Variants in ALK observed in about 807,000 individuals in gnomAD.
The protein encoded by ALK is ALK tyrosine kinase receptor.
Under a neutral mutation model 163.1 loss-of-function variants are expected in ALK, and 74 were observed. The observed-to-expected ratio is 0.45, with a 90% confidence interval of 0.38 to 0.55. The LOEUF is 0.55. Among genes scored for constraint, ALK ranks in the 20% least tolerant of loss-of-function variants. The pLI is 0.00. For synonymous variants in ALK, 960 were observed against 843.2 expected (o/e 1.14, Z -2.40); for missense variants, 2,063 against 2,105.3 (o/e 0.98, Z 0.39).
chr2:29,877,741 C>T (rs543262633), intron 1 of ALK, among the ~76,000 whole-genome samples: 175 of 152,322 alleles, frequency 1.1e-3, no homozygotes, highest in Non-Finnish European at 2.1e-3. Context: ...GCTGGCTCTG[C>T]TCTGCCTACC....
At chr2:29,417,649 A>G (rs1469714054) in intron 4 of ALK, among the ~76,000 whole-genome samples, 1 of 152,222 alleles carries the variant, frequency 6.6e-6, no homozygotes, top group Non-Finnish European at 1.5e-5. Context: ...TTTTACTGAT[A>G]AAATAGCTTC....
At chr2:29,728,596 C>T (rs543646857) in intron 1 of ALK, among the ~76,000 whole-genome samples, 7 of 152,246 alleles carry the variant, frequency 4.6e-5, no homozygotes, top group South Asian at 2.1e-4. Context: ...GACTTCATTA[C>T]GAGAGGCAGG....
At chr2:29,708,090 T>A (rs1678965838) in intron 2 of ALK, among the ~76,000 whole-genome samples, 2 of 152,174 alleles carry the variant, frequency 1.3e-5, no homozygotes, top group African/African-American at 4.8e-5. Flanking sequence ...ATTTTTGAGA[T>A]AGAGTTTCGC....
intron 4 of ALK, among the ~76,000 whole-genome samples, chr2:29,389,244 C>T (rs903413101): frequency 3.3e-5 from 5 of 152,076 alleles, no homozygotes; most frequent in Admixed American, 1.3e-4. Flanking sequence ...TGGTAGCATA[C>T]GAGAGGTGAG....
chr2:29,440,183 G>A (rs530553401), intron 4 of ALK, among the ~76,000 whole-genome samples: 2 of 152,116 alleles, frequency 1.3e-5, no homozygotes, highest in African/African-American at 2.4e-5. Flanking sequence ...GCAGTGAGCC[G>A]AGATCGTGCC....
At chr2:29,594,894 T>TGGGGGGG (rs1170679687) in intron 3 of ALK, among the ~76,000 whole-genome samples, 1 of 20,422 alleles carries the variant, frequency 4.9e-5, no homozygotes, top group Non-Finnish European at 8.7e-5. Flanking sequence ...TAAACAAAAA[T>TGGGGGGG]GGGGGGTGGG....
At chr2:29,760,181 CCCTACACA>C (rs1349531404) in intron 1 of ALK, among the ~76,000 whole-genome samples, 1 of 151,966 alleles carries the variant, frequency 6.6e-6, no homozygotes, top group Non-Finnish European at 1.5e-5. Context: ...ACCCACACAT[CCCTACACA>C]CCTACACACC....
chr2:29,852,151 G>A (rs1008792125), intron 1 of ALK, among the ~76,000 whole-genome samples: 3 of 152,180 alleles, frequency 2.0e-5, no homozygotes, highest in African/African-American at 7.2e-5. Flanking sequence ...TTTATCCAAT[G>A]ACCTGTGGCA....
intron 3 of ALK, among the ~76,000 whole-genome samples, chr2:29,670,105 T>C (rs181188215): frequency 1.8e-3 from 268 of 152,214 alleles, no homozygotes; most frequent in African/African-American, 6.2e-3. Flanking sequence ...ATTTTACCAG[T>C]GGGTTTTTCA....
Position 29,920,230 on chromosome 2 carries a change from C to G in ALK, c.430G>C (p.Glu144Gln). The change falls in exon 1 of 29, where the codon GAG (glutamate) becomes CAG (glutamine). Residue 144 changes from glutamate to glutamine, a missense_variant. Physicochemically the swap from Glu to Gln is conservative, Grantham distance 29. Coordinates refer to ENST00000389048, the MANE Select transcript of ALK (RefSeq NM_004304.5). ...TCCAAGATCGCCTCCTCGCCCAGCTCCAGCACCAACTGCTTGGCACGCCGG... is the reference window on the plus strand; with the variant it reads ...TCCAAGATCGCCTCCTCGCCCAGCTGCAGCACCAACTGCTTGGCACGCCGG... ...KLRRAKQLVL[E>Q]LGEEAILEGC... 6.2e-7 allele frequency: 1 copy of G among 1,611,888 alleles called. No homozygotes were observed. The highest frequency in any genetic ancestry group is 8.5e-7 in the Non-Finnish European group (1 of 1,179,508).
chr2:29,495,752 T>C (rs570421734), intron 4 of ALK, among the ~76,000 whole-genome samples: 2 of 152,346 alleles, frequency 1.3e-5, no homozygotes, highest in South Asian at 4.1e-4. Flanking sequence ...CTATCATGAA[T>C]ATGTAGAACA....
chr2:29,537,587 A>T (rs1673294329), intron 3 of ALK, among the ~76,000 whole-genome samples: 1 of 152,200 alleles, frequency 6.6e-6, no homozygotes, highest in Non-Finnish European at 1.5e-5. Context: ...CTAGGTCCAT[A>T]TCAAGGGAAA....
chr2:29,388,192 G>A (rs7578101), intron 4 of ALK, among the ~76,000 whole-genome samples: 8,142 of 152,254 alleles, frequency 0.053, 414 homozygotes, highest in African/African-American at 0.13. Context: ...AAGGCAAGCC[G>A]CTGATGAGTT....
At chr2:29,347,676 G>A (rs898524729) in intron 5 of ALK, among the ~76,000 whole-genome samples, 1 of 152,200 alleles carries the variant, frequency 6.6e-6, no homozygotes, top group Non-Finnish European at 1.5e-5. Flanking sequence ...GCAGTAAAAT[G>A]AAATGATAGA....
intron 1 of ALK, among the ~76,000 whole-genome samples, chr2:29,832,307 T>C (rs1665441476): frequency 6.6e-6 from 1 of 152,120 alleles, no homozygotes; most frequent in Non-Finnish European, 1.5e-5. Context: ...TCCCATCACA[T>C]AGGTCGCCGG....
chr2:29,833,359 T>C (rs1665472243), intron 1 of ALK, among the ~76,000 whole-genome samples: 4 of 152,236 alleles, frequency 2.6e-5, no homozygotes, highest in African/African-American at 7.2e-5. Flanking sequence ...GCCCTGAACC[T>C]GTAAGACACT....
chr2:29,773,414 T>C (rs1371776797), intron 1 of ALK, among the ~76,000 whole-genome samples: 1 of 152,208 alleles, frequency 6.6e-6, no homozygotes, highest in African/African-American at 2.4e-5. Context: ...GTGACCTCTC[T>C]CTTCCCCTCT....
intron 4 of ALK, among the ~76,000 whole-genome samples, chr2:29,419,819 A>C (rs1006962482): frequency 8.6e-5 from 13 of 151,498 alleles, no homozygotes; most frequent in Admixed American, 4.6e-4. Flanking sequence ...TCAAACTTTG[A>C]GAGGAGAAAG....
rs534122136 is a variant in ALK at position 29,276,429 on chromosome 2, G to C, written c.1818-933C>G. On this transcript the variant is annotated intron_variant, in intron 9 of 28. Transcript: ENST00000389048. ...TTCCTGGGAAATCATCCCATGGAAG[G>C]CTAGCAGAGTCAGCTGGCCCTTTCC... 2.0e-5 allele frequency among the ~76,000 whole-genome samples: 3 copies of C among 152,276 alleles called. No individual in the cohort carries two copies. The East Asian group carries it at 5.8e-4, about 29-fold the overall frequency.
Sources: allele counts gnomAD v4.1 joint callset (sites outside exome capture counted in the v4.1 genomes callset), GRCh38; gene constraint gnomAD v4.1.1; transcripts MANE v1.5; gene names NCBI Gene and HGNC (gene_info 2026-07-23, HGNC 2026-07-21).